OPRL1: variants seen among roughly 807,000 people sequenced by gnomAD.
OPRL1 encodes nociceptin receptor.
In OPRL1, 5 loss-of-function variants were observed where a neutral mutation model predicts 15.5. The observed-to-expected ratio is 0.32, with a 90% CI of 0.17 to 0.68. OPRL1 has a LOEUF of 0.68. Among genes scored for constraint, OPRL1 ranks in the 30% least tolerant of loss-of-function variants. OPRL1 has a pLI of 0.72. For missense variants in OPRL1, 406 were observed against 515.3 expected (o/e 0.79, Z 2.05); for synonymous variants, 223 against 230.2 (o/e 0.97, Z 0.28).
intron 3 of OPRL1, 34 bp downstream of exon 3, chr20:64,092,987 T>C (rs1452838639): frequency 1.3e-6 from 2 of 1,584,492 alleles, no homozygotes; most frequent in Non-Finnish European, 1.7e-6. Flanking sequence ...GTCTGGTGAG[T>C]CCCACACGGC....
In OPRL1 at chr20:64,083,917, C is replaced by A; in HGVS notation, c.-185+3565C>A. On this transcript the variant is annotated intron_variant, in intron 1 of 4. Transcript: ENST00000336866. This position sits in a 1 kb window ranked among gnomAD's most constrained non-coding sequence, Gnocchi z 4.9. ...GCCGGTTCTGGCGCTCGGCGGGCAG[C>A]TCGAGCGACTGCGTCCACGGGCGCG... 6.9e-7 allele frequency: 1 copy of A among 1,451,020 alleles called. No individual in the cohort carries two copies. The highest frequency in any genetic ancestry group is 2.6e-5 in the Admixed American group (1 of 38,660). The allele number at this position is 1,451,020 out of a possible 1,614,324, so 89.9% of individuals were successfully genotyped here.
At chr20:64,095,960 G>A (rs1979065605) in intron 3 of OPRL1, among the ~76,000 whole-genome samples, 1 of 152,070 alleles carries the variant, frequency 6.6e-6, no homozygotes, top group Admixed American at 6.5e-5. Flanking sequence ...GTGTGTGCAG[G>A]TGATGCGTGG....
Position 64,083,726 on chromosome 20 carries a change from AGC to A in OPRL1, c.-185+3381_-185+3382del. 5.2e-6 allele frequency: 7 copies of A among 1,353,624 alleles called. No individual in the cohort carries two copies. The highest frequency in any genetic ancestry group is 6.6e-6 in the Non-Finnish European group (7 of 1,060,640). The allele number at this position is 1,353,624 out of a possible 1,614,324, so 83.9% of individuals were successfully genotyped here. ...TCGGCCTGCGGGGCCCGGGTAGCTG[AGC>A]GCGCGCCGAGCCCCGCCCCGCCCCG... On this transcript the variant is annotated intron_variant, in intron 1 of 4. Transcript: ENST00000336866. This position sits in a 1 kb window ranked among gnomAD's most constrained non-coding sequence, Gnocchi z 4.9.
intron 1 of OPRL1, among the ~76,000 whole-genome samples, chr20:64,082,695 C>T (rs1285233137): frequency 6.6e-6 from 1 of 152,050 alleles, no homozygotes; most frequent in Non-Finnish European, 1.5e-5. Context: ...TAAGGTCTGC[C>T]CAGAAACCTC....
intron 1 of OPRL1, chr20:64,084,505 A>G: frequency 1.4e-6 from 1 of 708,750 alleles, no homozygotes; most frequent in Non-Finnish European, 1.9e-6. Context: ...TTCCTACCCG[A>G]TGGACTGTTC....
chr20:64,091,571 A>C (rs2060117207), intron 1 of OPRL1, among the ~76,000 whole-genome samples: 1 of 152,046 alleles, frequency 6.6e-6, no homozygotes, highest in South Asian at 2.1e-4. Context: ...TGATCTGTCG[A>C]GAGCTGGCCG....
rs6010717 is a variant in OPRL1 at position 64,083,430 on chromosome 20, C to A, written c.-185+3078C>A. The A allele has an allele frequency of 6.2e-7, 1 of 1,610,158 alleles. No homozygotes were observed. ...CTGGGGCGCGTCGCACACTCTCAGT[C>A]GCCGTCACCGCGGGAAGATGGTGCC... On this transcript the variant is annotated intron_variant, in intron 1 of 4. Coordinates refer to ENST00000336866, the MANE Select transcript of OPRL1 (RefSeq NM_182647.4). This position sits in a 1 kb window ranked among gnomAD's most constrained non-coding sequence, Gnocchi z 4.9.
chr20:64,084,034 A>G (rs1463824036), intron 1 of OPRL1: 2 of 1,503,688 alleles, frequency 1.3e-6, no homozygotes, highest in Admixed American at 4.2e-5. Context: ...CGAAGAGCAG[A>G]TGGCGGTGGC....
In OPRL1 at chr20:64,083,908, G is replaced by T; in HGVS notation, c.-185+3556G>T. 6.9e-7 allele frequency: 1 copy of T among 1,446,804 alleles called. No homozygotes were observed. The highest frequency in any genetic ancestry group is 9.0e-7 in the Non-Finnish European group (1 of 1,105,566). The allele number at this position is 1,446,804 out of a possible 1,614,324, so 89.6% of individuals were successfully genotyped here. ...CGCCGAGGAGCCGGTTCTGGCGCTC[G>T]GCGGGCAGCTCGAGCGACTGCGTCC... On this transcript the variant is annotated intron_variant, in intron 1 of 4. Transcript: ENST00000336866. The surrounding 1 kb of genome is among the most constrained non-coding windows in gnomAD (Gnocchi z 4.9).
rs1978347127 is a variant in OPRL1, at chr20:64,092,730, C to A, written c.10C>A (p.Leu4Ile). 1.2e-6 allele frequency: 2 copies of A among 1,612,128 alleles called. No individual in the cohort carries two copies. The highest frequency in any genetic ancestry group is 3.3e-5 in the Admixed American group (2 of 59,960). MEPLFPAPFWEVIY... is the reference protein window; with the variant it reads MEPIFPAPFWEVIY... ...TTTGCAGGGCAGTGGCATGGAGCCC[C>A]TCTTCCCCGCGCCGTTCTGGGAGGT... is the stretch of plus-strand genomic sequence containing the variant. The change falls in exon 3 of 5, where the codon CTC (leucine) becomes ATC (isoleucine). Residue 4 changes from leucine to isoleucine, a missense_variant. Physicochemically the swap from Leu to Ile is conservative, Grantham distance 5 (BLOSUM62 2). Transcript: ENST00000336866.
chr20:64,081,566 C>T (rs891758579), intron 1 of OPRL1, among the ~76,000 whole-genome samples: 1 of 152,214 alleles, frequency 6.6e-6, no homozygotes, highest in Admixed American at 6.5e-5. Context: ...CTGGCTTCTG[C>T]CTCTCGGCAC....
chr20:64,080,868 G>C (rs921975851), intron 1 of OPRL1, among the ~76,000 whole-genome samples: 3 of 152,200 alleles, frequency 2.0e-5, no homozygotes, highest in African/African-American at 7.2e-5. Flanking sequence ...AGTTGCACAG[G>C]TCAGGTGCAC....
At chr20:64,080,761 TC>T (rs1176784142) in intron 1 of OPRL1, among the ~76,000 whole-genome samples, 1 of 151,942 alleles carries the variant, frequency 6.6e-6, no homozygotes, top group African/African-American at 2.4e-5. Context: ...CCCCCGCCCC[TC>T]CCCTGGCCCG....
At chr20:64,093,003 A>AG in intron 3 of OPRL1, 50 bp downstream of exon 3, 1 of 1,517,144 alleles carries the variant, frequency 6.6e-7, no homozygotes, top group African/African-American at 1.4e-5. Context: ...ACGGCTGCAG[A>AG]GGGGGAAACT....
chr20:64,098,728 C>T lies in OPRL1; in HGVS notation c.1042C>T (p.Arg348Cys), dbSNP rs143757705. ...ALRRDVQVSD[R>C]VRSIAKDVAL... ...GCGCCGGGACGTGCAGGTGTCTGAC[C>T]GCGTGCGCAGCATTGCCAAGGACGT... Residue 348 changes from arginine (R) to cysteine (C), a missense_variant, in exon 5 of 5, where the codon CGC (arginine) becomes TGC (cysteine). Transcript: ENST00000336866. 1.1e-5 allele frequency: 17 copies of T among 1,611,610 alleles called. No individual in the cohort carries two copies. Among genetic ancestry groups the T allele is most frequent in the Admixed American group, 1.7e-5 (1 of 60,008 alleles).
rs746845408 is a variant in OPRL1, at chr20:64,092,712, G to T, written c.-9G>T. ...GGTACCGTACAGAGTGGATTTGCAG[G>T]GCAGTGGCATGGAGCCCCTCTTCCC... On this transcript the variant is annotated 5_prime_UTR_variant, in exon 3 of 5. Transcript: ENST00000336866. 6.2e-7 allele frequency: 1 copy of T among 1,610,434 alleles called. No homozygotes were observed. The highest frequency in any genetic ancestry group is 1.7e-5 in the Admixed American group (1 of 59,842).
Position 64,098,361 on chromosome 20 carries a change from C to T in OPRL1, c.675C>T (p.Ile225=), listed in dbSNP as rs140038092. Residue 225 remains isoleucine (I), a synonymous_variant, in exon 5 of 5, where the codon ATC becomes ATT. Coordinates refer to ENST00000336866, the MANE Select transcript of OPRL1 (RefSeq NM_182647.4). The stretch of plus-strand genomic sequence containing the variant: ...TCTGCATCTTCCTCTTCTCCTTCAT[C>T]GTCCCCGTGCTCGTCATCTCTGTCT... ...FAICIFLFSF[I]VPVLVISVCY... 8.0e-5 allele frequency: 129 copies of T among 1,613,932 alleles called. No homozygotes were observed. The highest frequency in any genetic ancestry group is 5.1e-4 in the African/African-American group (38 of 75,050).
Position 64,083,975 on chromosome 20 carries a change from C to T in OPRL1, c.-185+3623C>T. The T allele has an allele frequency of 6.8e-7, 1 of 1,470,020 alleles. No homozygotes were observed. Among genetic ancestry groups the T allele is most frequent in the Non-Finnish European group, 8.9e-7 (1 of 1,118,404 alleles). 91.1% of individuals were successfully genotyped at this position (1,470,020 alleles called of 1,614,324 possible). On this transcript the variant is annotated intron_variant, in intron 1 of 4. Coordinates refer to ENST00000336866, the MANE Select transcript of OPRL1 (RefSeq NM_182647.4). The surrounding 1 kb of genome is among the most constrained non-coding windows in gnomAD (Gnocchi z 4.9). ...CATGCGGTACCCCGGTTCCACCGACCCGCACGGGAAGGTGGAGGCCGCCGC... is the reference window on the plus strand; with the variant it reads ...CATGCGGTACCCCGGTTCCACCGACTCGCACGGGAAGGTGGAGGCCGCCGC...
chr20:64,098,452 C>T lies in OPRL1; in HGVS notation c.766C>T (p.Arg256Trp), dbSNP rs376128527. ...GCTCTCGGGCTCCCGAGAGAAGGAC[C>T]GGAACCTGCGGCGCATCACTCGGCT... ...RLLSGSREKD[R>W]NLRRITRLVL... Residue 256 changes from arginine (R) to tryptophan (W), a missense_variant, in exon 5 of 5, where the codon CGG becomes TGG. Coordinates refer to ENST00000336866, the MANE Select transcript of OPRL1 (RefSeq NM_182647.4). The T allele has an allele frequency of 1.1e-5, 18 of 1,613,416 alleles. No homozygotes were observed. The highest frequency in any genetic ancestry group is 5.3e-5 in the African/African-American group (4 of 75,048).
Sources: allele counts gnomAD v4.1 joint callset (sites outside exome capture counted in the v4.1 genomes callset), GRCh38; gene constraint gnomAD v4.1.1; non-coding constraint Gnocchi (gnomAD v3.1); transcripts MANE v1.5; gene names NCBI Gene and HGNC (gene_info 2026-07-23, HGNC 2026-07-21).